UTP6: variants seen among roughly 807,000 people sequenced by gnomAD.
UTP6 encodes the protein UTP6 small subunit processome component.
In UTP6, 60 loss-of-function variants were observed where a neutral mutation model predicts 96.5. The ratio of observed to expected loss-of-function variants is 0.62; its 90% CI spans 0.51 to 0.77. The LOEUF (loss-of-function observed/expected upper bound fraction) is 0.77, where lower values mean the gene tolerates loss of function less well. UTP6 is among the 30% of genes least tolerant of loss of function. UTP6 has a pLI of 0.00. For missense variants in UTP6, 637 were observed against 706.5 expected (o/e 0.90, Z 1.12); for synonymous variants, 215 against 240.1 (o/e 0.90, Z 0.96).
At chr17:31,891,206 T>C (rs1473961549) in intron 6 of UTP6, among the ~76,000 whole-genome samples, 1 of 152,150 alleles carries the variant, frequency 6.6e-6, no homozygotes, top group East Asian at 1.9e-4. Flanking sequence ...GCAATTGCTT[T>C]GGGCTTCCTT....
At chr17:31,869,335 G>A (rs541045977) in intron 16 of UTP6, among the ~76,000 whole-genome samples, 1 of 151,648 alleles carries the variant, frequency 6.6e-6, no homozygotes, top group African/African-American at 2.4e-5. Flanking sequence ...CTGGCTAATT[G>A]CTTTTCATTT....
At chr17:31,894,290 A>G (rs1054727366) in intron 4 of UTP6, among the ~76,000 whole-genome samples, 5 of 151,412 alleles carry the variant, frequency 3.3e-5, no homozygotes, top group Admixed American at 6.6e-5. Context: ...AAAAAGAAAA[A>G]AAAAAAAATC....
chr17:31,898,971 G>A (rs377044031), intron 2 of UTP6, among the ~76,000 whole-genome samples: 59 of 150,184 alleles, frequency 3.9e-4, no homozygotes, highest in African/African-American at 1.4e-3. Flanking sequence ...GGCAGTGGTT[G>A]CAGTGAGCCA....
At chr17:31,896,139 G>T (rs769520497) in intron 2 of UTP6, among the ~76,000 whole-genome samples, 3 of 151,178 alleles carry the variant, frequency 2.0e-5, no homozygotes, top group African/African-American at 7.3e-5. Flanking sequence ...GTGCAGTGGC[G>T]CAACCTAGGC....
chr17:31,897,368 T>G (rs1904711466), intron 2 of UTP6, among the ~76,000 whole-genome samples: 1 of 151,852 alleles, frequency 6.6e-6, no homozygotes. Flanking sequence ...CCAAAAACAA[T>G]AGCTTAGCCA....
intron 7 of UTP6, 63 bp from the exon 8 acceptor site, chr17:31,887,376 G>A (rs888326669): frequency 2.2e-6 from 3 of 1,374,504 alleles, no homozygotes; most frequent in Non-Finnish European, 2.0e-6. Flanking sequence ...TTGAGACAGG[G>A]TCTTGCTCTG....
At chr17:31,897,347 T>C (rs556960263) in intron 2 of UTP6, among the ~76,000 whole-genome samples, 50 of 152,168 alleles carry the variant, frequency 3.3e-4, no homozygotes, top group African/African-American at 9.9e-4. Flanking sequence ...AATCTACTCA[T>C]AGGACCTCTT....
rs746374249 is a variant in UTP6, at chr17:31,861,894, T to C, written c.*1465A>G. 1 of 152,254 alleles carries C rather than the reference T, an allele frequency of 6.6e-6. No homozygotes were observed. The highest frequency in any genetic ancestry group is 2.4e-5 in the African/African-American group (1 of 41,478). 9.4% of individuals were successfully genotyped at this position (152,254 alleles called of 1,614,324 possible). A position where few individuals can be genotyped will look rare whatever the true frequency, so the allele number is the denominator to read the frequency against. Reference sequence around the variant, plus strand: ...CTAAAAGCAGTATCCTTTGATCCAGTAATTCCACTGTCGGATGTCAATCTC... The same window carrying C: ...CTAAAAGCAGTATCCTTTGATCCAGCAATTCCACTGTCGGATGTCAATCTC... On this transcript the variant is annotated 3_prime_UTR_variant, in exon 19 of 19. Coordinates refer to ENST00000261708, the MANE Select transcript of UTP6 (RefSeq NM_018428.3).
chr17:31,881,932 A>C (rs2142306817), intron 10 of UTP6, among the ~76,000 whole-genome samples: 1 of 152,214 alleles, frequency 6.6e-6, no homozygotes, highest in East Asian at 1.9e-4. Context: ...GTGCTCAAGC[A>C]ATAGTCCATC....
intron 7 of UTP6, chr17:31,887,958 T>C (rs1294034524): frequency 1.1e-4 from 6 of 55,034 alleles, no homozygotes; most frequent in Non-Finnish European, 1.4e-4. Flanking sequence ...TGAGACTCCA[T>C]CTCAAAAAAA....
intron 15 of UTP6, 44 bp downstream of exon 15, chr17:31,873,629 C>T: frequency 6.2e-7 from 1 of 1,613,278 alleles, no homozygotes; most frequent in Non-Finnish European, 8.5e-7. Context: ...AGGGAACCTT[C>T]TGCCATTCCC....
rs149514713 is a variant in UTP6, at chr17:31,892,310, C to T, written c.374G>A (p.Arg125Gln). The T allele has an allele frequency of 1.0e-3, 1,666 of 1,613,938 alleles. 2 individuals carry two copies. Among genetic ancestry groups the T allele is most frequent in the Admixed American group, 2.0e-3 (117 of 59,996 alleles). The change falls in exon 6 of 19, where the codon CGA becomes CAA. Residue 125 changes from arginine to glutamine, a missense_variant. Transcript: ENST00000261708. ...CATGGCAGAGAATACCTTGCTAAGT[C>T]GAGTTTTAGTAGCCTGTAAAAAAGG... is the stretch of plus-strand genomic sequence containing the variant. The part of the protein sequence containing the change: ...AFCKKWATKT[R>Q]LSKVFSAMLA...
At chr17:31,876,195 C>T (rs1379704234) in intron 13 of UTP6, among the ~76,000 whole-genome samples, 1 of 151,860 alleles carries the variant, frequency 6.6e-6, no homozygotes, top group Non-Finnish European at 1.5e-5. Context: ...CATCGCCACG[C>T]CTGGTTAATT....
chr17:31,889,493 C>T (rs1911347664), intron 6 of UTP6, 90 bp from the exon 7 acceptor site: 1 of 670,830 alleles, frequency 1.5e-6, no homozygotes, highest in Admixed American at 2.7e-5. Flanking sequence ...AATACTCGCA[C>T]AATTTTTTTT....
Position 31,892,879 on chromosome 17 carries a change from A to G in UTP6, c.313-85T>C, listed in dbSNP as rs1176942598. The G allele has an allele frequency of 6.5e-6, 10 of 1,548,030 alleles. No individual in the cohort carries two copies. In the East Asian group the frequency reaches 2.1e-4, roughly 32 times the overall value. On this transcript the variant is annotated intron_variant, in intron 4 of 18. Transcript: ENST00000261708. ...TGCATTAATTAATTTTGCTAAAAAC[A>G]AGCAAATTTCAGGTTGGATGCGGTG...
chr17:31,882,254 C>T (rs1226033667), intron 10 of UTP6, among the ~76,000 whole-genome samples: 1 of 151,798 alleles, frequency 6.6e-6, no homozygotes, highest in Non-Finnish European at 1.5e-5. Flanking sequence ...TGGTCTCAAA[C>T]TCCTGACCTC....
At chr17:31,878,833 T>C in intron 11 of UTP6, 52 bp from the exon 12 acceptor site, 1 of 1,523,580 alleles carries the variant, frequency 6.6e-7, no homozygotes, top group East Asian at 2.3e-5. Flanking sequence ...TCAACATTCA[T>C]CACATCAAAG....
At chr17:31,868,697 A>C (rs1325852314) in intron 16 of UTP6, among the ~76,000 whole-genome samples, 2 of 152,154 alleles carry the variant, frequency 1.3e-5, no homozygotes, top group Non-Finnish European at 2.9e-5. Flanking sequence ...TACATGTCAA[A>C]GTCTTTTGGG....
intron 4 of UTP6, 71 bp from the exon 5 acceptor site, chr17:31,892,865 A>G (rs1453207240): frequency 4.4e-6 from 7 of 1,586,182 alleles, no homozygotes; most frequent in African/African-American, 4.0e-5. Context: ...GCATTAATTA[A>G]TTTTGCTAAA....
Sources: gnomAD v4.1 joint callset for allele counts (sites outside exome capture counted in the v4.1 genomes callset) on GRCh38, gnomAD v4.1.1 for gene constraint, MANE v1.5 for transcripts, NCBI Gene and HGNC (gene_info 2026-07-23, HGNC 2026-07-21) for gene names.